VAV3: variants seen among roughly 807,000 people sequenced by gnomAD.
VAV3 encodes the protein vav guanine nucleotide exchange factor 3.
A neutral mutation model predicts 131.2 loss-of-function variants in VAV3; 94 were observed. The ratio of observed to expected loss-of-function variants is 0.72; its 90% CI spans 0.61 to 0.85. VAV3 has a LOEUF of 0.85. Among genes scored for constraint, VAV3 ranks in the 40% least tolerant of loss-of-function variants. The pLI is 0.00. For synonymous variants in VAV3, 349 were observed against 342.0 expected, an observed-to-expected ratio of 1.02 and a Z score of -0.22; for missense variants, 939 against 1,002.7, an observed-to-expected ratio of 0.94 and a Z score of 0.86.
intron 2 of VAV3, among the ~76,000 whole-genome samples, chr1:107,790,883 T>C (rs945382368): frequency 6.6e-6 from 1 of 151,970 alleles, no homozygotes; most frequent in Non-Finnish European, 1.5e-5. Context: ...AGACGGGGTT[T>C]CACCATGTTG....
At chr1:107,909,198 T>C (rs997550617) in intron 1 of VAV3, among the ~76,000 whole-genome samples, 2 of 152,210 alleles carry the variant, frequency 1.3e-5, no homozygotes, top group Non-Finnish European at 2.9e-5. Context: ...TCTTGTTCAT[T>C]TCTAAGACTC....
intron 19 of VAV3, among the ~76,000 whole-genome samples, chr1:107,662,820 T>A (rs1337257560): frequency 6.6e-6 from 1 of 152,184 alleles, no homozygotes; most frequent in African/African-American, 2.4e-5. Context: ...TAAAAGTTGG[T>A]AACCTTATCC....
intron 1 of VAV3, among the ~76,000 whole-genome samples, chr1:107,961,349 C>T (rs1675072787): frequency 6.6e-6 from 1 of 152,182 alleles, no homozygotes; most frequent in South Asian, 2.1e-4. Context: ...CATGCCCTTC[C>T]ACAGGCACAC....
At chr1:107,843,365 A>AATAT (rs34150658) in intron 2 of VAV3, among the ~76,000 whole-genome samples, 25,753 of 139,664 alleles carry the variant, frequency 0.18, 2,427 homozygotes, top group Middle Eastern at 0.25. Flanking sequence ...GCACAACACA[A>AATAT]ATATATATAT....
intron 19 of VAV3, among the ~76,000 whole-genome samples, chr1:107,675,160 C>G (rs1379973070): frequency 6.6e-6 from 1 of 152,168 alleles, no homozygotes; most frequent in Non-Finnish European, 1.5e-5. Flanking sequence ...ACTGAGATAA[C>G]ACATGTGTGT....
At chr1:107,904,805 C>T (rs1373475154) in intron 1 of VAV3, among the ~76,000 whole-genome samples, 2 of 151,936 alleles carry the variant, frequency 1.3e-5, no homozygotes, top group Non-Finnish European at 2.9e-5. Context: ...GAGAGAGAGG[C>T]ACACAATAAT....
At chr1:107,621,876 G>A (rs942831924) in intron 20 of VAV3, among the ~76,000 whole-genome samples, 2 of 151,938 alleles carry the variant, frequency 1.3e-5, no homozygotes, top group African/African-American at 4.8e-5. Flanking sequence ...TATTCTGCAG[G>A]GCATCTCTGT....
intron 25 of VAV3, among the ~76,000 whole-genome samples, chr1:107,590,721 A>T (rs1025441252): frequency 6.6e-6 from 1 of 152,174 alleles, no homozygotes; most frequent in African/African-American, 2.4e-5. Context: ...TATGTACCAT[A>T]CTTGTACTAA....
At chr1:107,948,596 C>T (rs1447540478) in intron 1 of VAV3, among the ~76,000 whole-genome samples, 1 of 152,180 alleles carries the variant, frequency 6.6e-6, no homozygotes, top group Non-Finnish European at 1.5e-5. Flanking sequence ...GTAATCTCAA[C>T]ACTTTGGGAG....
chr1:107,588,038 T>C (rs1217881298), intron 25 of VAV3, among the ~76,000 whole-genome samples: 1 of 152,230 alleles, frequency 6.6e-6, no homozygotes, highest in African/African-American at 2.4e-5. Flanking sequence ...TGAGGTTATC[T>C]GAATCTGTAG....
Position 107,766,496 on chromosome 1 carries a change from T to C in VAV3, c.772A>G (p.Asn258Asp). The C allele has an allele frequency of 6.2e-7, 1 of 1,613,604 alleles. No homozygotes were observed. Among genetic ancestry groups the C allele is most frequent in the African/African-American group, 1.3e-5 (1 of 75,012 alleles). Residue 258 changes from asparagine (N) to aspartate (D), a missense_variant, in exon 8 of 27, where the codon AAT becomes GAT. Coordinates refer to ENST00000370056, the MANE Select transcript of VAV3 (RefSeq NM_006113.5). ...TGGTACAAGTTCTGGTCATTTTTAT[T>C]TACAATGGAATCATGAATCTCTTGC... ...LMQEIHDSIV[N>D]KNDQNLYQVF...
chr1:107,753,549 T>TATGTATATATATATACACACACAC (rs771773884), intron 12 of VAV3, among the ~76,000 whole-genome samples: 2 of 82,052 alleles, frequency 2.4e-5, no homozygotes, highest in Admixed American at 1.2e-4. Context: ...TATATATATA[T>TATGTATATATATATACACACACAC]ACACACACAC....
At chr1:107,883,946 CT>C (rs1304119860) in intron 1 of VAV3, among the ~76,000 whole-genome samples, 5 of 152,082 alleles carry the variant, frequency 3.3e-5, no homozygotes, top group Non-Finnish European at 7.4e-5. Flanking sequence ...TGTTTTTAGT[CT>C]TTGCACTAAA....
chr1:107,844,149 G>C (rs1038523446), intron 2 of VAV3, among the ~76,000 whole-genome samples: 3 of 151,860 alleles, frequency 2.0e-5, no homozygotes, highest in African/African-American at 7.3e-5. Flanking sequence ...TGCTTAGACA[G>C]TGGGTACAGC....
intron 21 of VAV3, among the ~76,000 whole-genome samples, chr1:107,614,658 T>A (rs190945083): frequency 4.6e-5 from 7 of 152,272 alleles, no homozygotes; most frequent in Admixed American, 2.0e-4. Flanking sequence ...TCATTCAATA[T>A]GATTCTACAG....
intron 2 of VAV3, among the ~76,000 whole-genome samples, chr1:107,786,761 C>T (rs1026167170): frequency 1.3e-5 from 2 of 152,160 alleles, no homozygotes; most frequent in Non-Finnish European, 2.9e-5. Flanking sequence ...CCTCTCTACT[C>T]CAAATAAACA....
intron 15 of VAV3, among the ~76,000 whole-genome samples, chr1:107,707,290 T>C (rs1660509732): frequency 6.6e-6 from 1 of 152,132 alleles, no homozygotes; most frequent in Admixed American, 6.6e-5. Context: ...ATAAAAAGCA[T>C]AGGTAAGGAC....
At chr1:107,642,412 T>G (rs1030025457) in intron 20 of VAV3, among the ~76,000 whole-genome samples, 31 of 152,156 alleles carry the variant, frequency 2.0e-4, no homozygotes, top group African/African-American at 7.5e-4. Flanking sequence ...TGTTTAATAT[T>G]TCATCAAGAA....
At chr1:107,593,434 C>G (rs951884852) in intron 25 of VAV3, among the ~76,000 whole-genome samples, 2 of 152,002 alleles carry the variant, frequency 1.3e-5, no homozygotes, top group African/African-American at 4.8e-5. Context: ...TATTCTCAAC[C>G]TCTACTCAGA....
Sources: gnomAD v4.1 joint callset for allele counts (sites outside exome capture counted in the v4.1 genomes callset) on GRCh38, gnomAD v4.1.1 for gene constraint, MANE v1.5 for transcripts, NCBI Gene and HGNC (gene_info 2026-07-23, HGNC 2026-07-21) for gene names.